The following SKOR2 variants were observed in gnomAD, a reference collection of about 807,000 sequenced individuals.
SKOR2 encodes LBX1 corepressor 1-like protein.
Under a neutral mutation model 69.1 loss-of-function variants are expected in SKOR2, and 47 were observed. That is an observed-to-expected ratio of 0.68 (90% CI 0.54 to 0.87). The LOEUF (loss-of-function observed/expected upper bound fraction) is 0.87. SKOR2 is among the 40% of genes least tolerant of loss of function. The pLI is 0.00. For synonymous variants in SKOR2, 717 were observed against 672.6 expected (o/e 1.07, Z -1.02); for missense variants, 1,404 against 1,472.2 (o/e 0.95, Z 0.76).
chr18:47,230,263 G>T (rs938531711), intron 6 of SKOR2, among the ~76,000 whole-genome samples, 196 bp downstream of exon 6: 10 of 151,798 alleles, frequency 6.6e-5, no homozygotes, highest in Admixed American at 1.3e-4. Flanking sequence ...AATACCAAAA[G>T]GTTCTTGGAA....
At chr18:47,217,374 T>C (rs1427072462) in intron 7 of SKOR2, among the ~76,000 whole-genome samples, 3 of 152,208 alleles carry the variant, frequency 2.0e-5, no homozygotes, top group Non-Finnish European at 4.4e-5. Context: ...TGACACTTAA[T>C]GAACTATATG....
chr18:47,227,160 T>C (rs2064181333), intron 6 of SKOR2, among the ~76,000 whole-genome samples: 1 of 151,796 alleles, frequency 6.6e-6, no homozygotes, highest in Non-Finnish European at 1.5e-5. Flanking sequence ...TTCCTCCTTC[T>C]TCCTCCTTTC....
At position 47,245,478 on chromosome 18, in the gene SKOR2, A is replaced by ATTTTTGTTTTTTTTTTTTTTTTTTTTTT. The variant is rs2064267996; in HGVS notation, c.2677+19_2677+20insAAAAAAAAAAAAAAAAAAAAAACAAAAA. The ATTTTTGTTTTTTTTTTTTTTTTTTTTTT allele has an allele frequency of 1.3e-6, 1 of 785,128 alleles. No individual in the cohort carries two copies. The highest frequency in any genetic ancestry group is 2.7e-5 in the African/African-American group (1 of 37,492). 48.6% of individuals were successfully genotyped at this position (785,128 alleles called of 1,614,324 possible). ...ATGCAGGCAAGAAAAGTGGCAGCTG[A>ATTTTTGTTTTTTTTTTTTTTTTTTTTTT]TTTTTTTTTTTTTTTTTACCTGAAA... On this transcript the variant is annotated intron_variant, in intron 3 of 8. Transcript: ENST00000425639.
At chr18:47,231,736 G>A (rs531683229) in intron 4 of SKOR2, among the ~76,000 whole-genome samples, 7 of 151,772 alleles carry the variant, frequency 4.6e-5, no homozygotes, top group Middle Eastern at 6.8e-3. Context: ...CTAGCTACTC[G>A]AGAGGCTGAG....
intron 6 of SKOR2, among the ~76,000 whole-genome samples, chr18:47,220,616 GAGA>G (rs2144485954): frequency 6.6e-6 from 1 of 152,170 alleles, no homozygotes; most frequent in South Asian, 2.1e-4. Flanking sequence ...ACCTTAATCT[GAGA>G]AGAAGAGAAC....
chr18:47,225,773 C>T (rs891325879), intron 6 of SKOR2, among the ~76,000 whole-genome samples: 9 of 152,050 alleles, frequency 5.9e-5, no homozygotes, highest in South Asian at 2.1e-4. Flanking sequence ...TAGAGGAACA[C>T]GGTGTGCAGA....
intron 4 of SKOR2, among the ~76,000 whole-genome samples, chr18:47,240,936 A>G (rs2064245860): frequency 6.6e-6 from 1 of 152,230 alleles, no homozygotes; most frequent in Admixed American, 6.5e-5. Context: ...TAGCTATATA[A>G]GCATAGAAAT....
chr18:47,235,780 C>CAAAAAAAAAAAAAA (rs11433396), intron 4 of SKOR2, among the ~76,000 whole-genome samples: 3 of 59,286 alleles, frequency 5.1e-5, no homozygotes, highest in Non-Finnish European at 7.3e-5. Context: ...CACAAACAAG[C>CAAAAAAAAAAAAAA]AAAAAAAAAA....
At chr18:47,249,672 AGATT>A (rs976730544) in intron 1 of SKOR2, among the ~76,000 whole-genome samples, 29 of 152,210 alleles carry the variant, frequency 1.9e-4, no homozygotes, top group African/African-American at 7.0e-4. Flanking sequence ...GCTTGGAGAT[AGATT>A]GATTTTGGTT....
At chr18:47,210,859 A>G (rs2684840) in intron 8 of SKOR2, among the ~76,000 whole-genome samples, 85,888 of 151,746 alleles carry the variant, frequency 0.57, 24,434 homozygotes, top group Middle Eastern at 0.62. Context: ...TAGATCCAAA[A>G]TCAGGGCCCC....
rs555468831 is a variant in SKOR2, at chr18:47,220,705, G to T, written c.2918-695C>A. On this transcript the variant is annotated intron_variant, in intron 6 of 8. Coordinates refer to ENST00000425639, the MANE Select transcript of SKOR2 (RefSeq NM_001278063.4). ...ATATTTATTGCATTAGGGAAAAAATGACTTCCAAATGTACAGTTTAGTGTT... is the reference window on the plus strand; with the variant it reads ...ATATTTATTGCATTAGGGAAAAAATTACTTCCAAATGTACAGTTTAGTGTT... 5.9e-5 allele frequency among the ~76,000 whole-genome samples: 9 copies of T among 152,258 alleles called. No homozygotes were observed. In the South Asian group the frequency reaches 1.9e-3, roughly 32 times the overall value.
intron 1 of SKOR2, among the ~76,000 whole-genome samples, 188 bp downstream of exon 1, chr18:47,251,186 A>T (rs1600054933): frequency 6.6e-6 from 1 of 152,142 alleles, no homozygotes; most frequent in East Asian, 1.9e-4. Flanking sequence ...AACCTGGTGA[A>T]CTTCCCTATC....
intron 6 of SKOR2, among the ~76,000 whole-genome samples, chr18:47,227,761 C>A (rs1238891413): frequency 6.6e-6 from 1 of 152,214 alleles, no homozygotes; most frequent in African/African-American, 2.4e-5. Context: ...ATGTGCACAG[C>A]ACTTCACATA....
intron 4 of SKOR2, among the ~76,000 whole-genome samples, chr18:47,233,116 T>C (rs1393352020): frequency 3.3e-5 from 5 of 152,206 alleles, no homozygotes; most frequent in Non-Finnish European, 5.9e-5. Context: ...CCAGGACATA[T>C]GCATCATTAG....
Position 47,248,043 on chromosome 18 carries a change from G to T in SKOR2, c.1141C>A (p.Pro381Thr), listed in dbSNP as rs1427114608. ...GAGAKGPRSY[P>T]VIPVPSKGSF... ...CCCTTGCTGGGCACCGGGATGACTG[G>T]GTAGCTGCGCGGGCCTTTGGCCCCT... Residue 381 changes from proline (P) to threonine (T), a missense_variant, in exon 2 of 9, where the codon CCA (proline) becomes ACA (threonine). Transcript: ENST00000425639. The surrounding 1 kb of genome is among the most constrained non-coding windows in gnomAD (Gnocchi z 6.4). 2.8e-6 allele frequency: 4 copies of T among 1,439,622 alleles called. No homozygotes were observed. Among genetic ancestry groups the T allele is most frequent in the Non-Finnish European group, 3.6e-6 (4 of 1,097,714 alleles). The allele number at this position is 1,439,622 out of a possible 1,614,324, so 89.2% of individuals were successfully genotyped here. A position where few individuals can be genotyped will look rare whatever the true frequency, so the allele number is the denominator to read the frequency against.
chr18:47,235,788 A>AAAC (rs1449469024), intron 4 of SKOR2, among the ~76,000 whole-genome samples: 3 of 150,348 alleles, frequency 2.0e-5, no homozygotes, highest in African/African-American at 7.3e-5. Context: ...AGCAAAAAAA[A>AAAC]AAAAAAAAAA....
chr18:47,212,742 G>A (rs1413205237), intron 7 of SKOR2, among the ~76,000 whole-genome samples: 2 of 152,148 alleles, frequency 1.3e-5, no homozygotes, highest in South Asian at 2.1e-4. Flanking sequence ...GGAGGCTGAG[G>A]TGGGAGGATC....
In SKOR2 at chr18:47,248,923, C is replaced by G. The variant is rs751400963; in HGVS notation, c.261G>C (p.Leu87=). ...GCGTGCACTGCACACACGTGATGCCCAGTGCCACGCGACGGTTGTGGATCT... is the reference window on the plus strand; with the variant it reads ...GCGTGCACTGCACACACGTGATGCCGAGTGCCACGCGACGGTTGTGGATCT... ...YNEIHNRRVA[L]GITCVQCTPV... The change falls in exon 2 of 9, where the codon CTG becomes CTC. Residue 87 remains leucine (L), a synonymous_variant. Coordinates refer to ENST00000425639, the MANE Select transcript of SKOR2 (RefSeq NM_001278063.4). This position sits in a 1 kb window ranked among gnomAD's most constrained non-coding sequence, Gnocchi z 6.4. 10 of 1,574,250 alleles carry G rather than the reference C, an allele frequency of 6.4e-6. No individual in the cohort carries two copies. Among genetic ancestry groups the G allele is most frequent in the Non-Finnish European group, 7.7e-6 (9 of 1,167,560 alleles).
chr18:47,206,496 A>G lies in SKOR2; in HGVS notation c.*400T>C, dbSNP rs1024532286. ...AGAATCACTTCTTCAAAAAGAGAAG[A>G]CAGTTTTGTAGAGTTGCTTTCTCCA... On this transcript the variant is annotated 3_prime_UTR_variant, in exon 9 of 9. Coordinates refer to ENST00000425639, the MANE Select transcript of SKOR2 (RefSeq NM_001278063.4). The G allele has an allele frequency of 2.6e-5, 4 of 152,100 alleles. No individual in the cohort carries two copies. Among genetic ancestry groups the G allele is most frequent in the Non-Finnish European group, 5.9e-5 (4 of 68,044 alleles). 9.4% of individuals were successfully genotyped at this position (152,100 alleles called of 1,614,324 possible).
Sources: gnomAD v4.1 joint callset for allele counts (sites outside exome capture counted in the v4.1 genomes callset) on GRCh38, gnomAD v4.1.1 for gene constraint, Gnocchi (gnomAD v3.1) non-coding constraint, MANE v1.5 for transcripts, NCBI Gene and HGNC (gene_info 2026-07-23, HGNC 2026-07-21) for gene names.